STAU2: variants seen among roughly 807,000 people sequenced by gnomAD.
STAU2 encodes staufen double-stranded RNA binding protein 2, also known as double-stranded RNA-binding protein Staufen homolog 2.
STAU2 carries 20 observed loss-of-function variants against 65.9 expected under a neutral mutation model. The ratio of observed to expected loss-of-function variants is 0.30; its 90% CI spans 0.21 to 0.44. The LOEUF (loss-of-function observed/expected upper bound fraction) is 0.44, where lower values mean the gene tolerates loss of function less well. STAU2 is among the 20% of genes least tolerant of loss of function. STAU2 has a pLI of 1.00. For missense variants in STAU2, 558 were observed against 683.9 expected, an observed-to-expected ratio of 0.82 and a Z score of 2.05; for synonymous variants, 232 against 233.9, an observed-to-expected ratio of 0.99 and a Z score of 0.07.
chr8:73,538,930 C>T (rs1282380416), intron 13 of STAU2, among the ~76,000 whole-genome samples: 18 of 152,168 alleles, frequency 1.2e-4, no homozygotes, highest in Admixed American at 1.2e-3. Context: ...CTATCATTCA[C>T]TTCAATGAAA....
intron 6 of STAU2, among the ~76,000 whole-genome samples, chr8:73,645,875 C>G (rs183261712): frequency 6.6e-6 from 1 of 152,226 alleles, no homozygotes; most frequent in Non-Finnish European, 1.5e-5. Flanking sequence ...CTCATTATCA[C>G]GAGAACAGCA....
chr8:73,552,131 T>G lies in STAU2; in HGVS notation c.1411A>C (p.Asn471His), dbSNP rs1807376644. The G allele has an allele frequency of 1.2e-6, 2 of 1,613,870 alleles. No individual in the cohort carries two copies. The highest frequency in any genetic ancestry group is 1.3e-5 in the African/African-American group (1 of 74,938). Residue 471 changes from asparagine to histidine, a missense_variant, in exon 13 of 15, where the codon AAT becomes CAT. This residue lies in a region of STAU2 where 247 missense variants were observed against 270.1 expected (regional missense o/e 0.91). Transcript: ENST00000524300. ...GCTTCAGCTGTAGAAGATGTTCCAT[T>G]CATAAGGAGTTCCCTGGCAATTGTA... ...SATIARELLM[N>H]GTSSTAEAIG...
rs368938759 is a variant in STAU2, at chr8:73,538,416, ATAAACT to A, written c.1530+13590_1530+13595del. Among the ~76,000 whole-genome samples, 1,023 of 152,276 alleles carry A rather than the reference ATAAACT, an allele frequency of 6.7e-3. 9 individuals are homozygous for A. The highest frequency in any genetic ancestry group is 0.014 in the Middle Eastern group (4 of 294). The stretch of plus-strand genomic sequence containing the variant: ...GCCAAGAGCCTATTAAGAATAGATA[ATAAACT>A]TAAGTGTTTCTTTGCATGCCAGAAT... On this transcript the variant is annotated intron_variant, in intron 13 of 14. Coordinates refer to ENST00000524300, the MANE Select transcript of STAU2 (RefSeq NM_001164380.2).
At chr8:73,464,800 TG>T (rs1299296851) in intron 13 of STAU2, among the ~76,000 whole-genome samples, 3 of 152,190 alleles carry the variant, frequency 2.0e-5, no homozygotes, top group Non-Finnish European at 4.4e-5. Flanking sequence ...GAAAGGAAGT[TG>T]GGAGGTTAGA....
chr8:73,470,909 G>GTTTT (rs1313166835), intron 13 of STAU2, among the ~76,000 whole-genome samples: 2 of 152,074 alleles, frequency 1.3e-5, no homozygotes, highest in African/African-American at 4.8e-5. Context: ...ATAACACATA[G>GTTTT]GCATGTTTCC....
At chr8:73,554,733 G>A (rs543206037) in intron 12 of STAU2, among the ~76,000 whole-genome samples, 2 of 152,286 alleles carry the variant, frequency 1.3e-5, no homozygotes, top group South Asian at 4.1e-4. Context: ...ATCTTGCCAA[G>A]GCTAGAACAT....
rs1284929272 is a variant in STAU2, at chr8:73,720,764, G to A, written c.-17-11602C>T. On this transcript the variant is annotated intron_variant, in intron 3 of 14. Transcript: ENST00000524300. ...CCTGACCTCATGATCCACCCGCCTCGGCCTCCCAAAGTGCTGGGATTACAG... is the reference window on the plus strand; with the variant it reads ...CCTGACCTCATGATCCACCCGCCTCAGCCTCCCAAAGTGCTGGGATTACAG... Among the ~76,000 whole-genome samples the A allele has an allele frequency of 3.8e-5, 3 of 79,144 alleles. 1 individual carries two copies. Among genetic ancestry groups the A allele is most frequent in the African/African-American group, 1.2e-4 (2 of 16,906 alleles). The allele number at this position is 79,144 out of a possible 152,430, so 51.9% of individuals were successfully genotyped here.
At chr8:73,630,430 C>A (rs1347956742) in intron 6 of STAU2, among the ~76,000 whole-genome samples, 3 of 152,210 alleles carry the variant, frequency 2.0e-5, no homozygotes, top group Non-Finnish European at 2.9e-5. Context: ...TAGGAAGAGG[C>A]TGAAGTAATA....
At chr8:73,557,303 A>T (rs1198369345) in intron 12 of STAU2, among the ~76,000 whole-genome samples, 1 of 152,212 alleles carries the variant, frequency 6.6e-6, no homozygotes, top group Non-Finnish European at 1.5e-5. Context: ...CTAACAGACT[A>T]GTCATAGAAA....
At chr8:73,526,837 T>C (rs1320899153) in intron 13 of STAU2, among the ~76,000 whole-genome samples, 1 of 152,212 alleles carries the variant, frequency 6.6e-6, no homozygotes, top group Non-Finnish European at 1.5e-5. Flanking sequence ...CAATACACTT[T>C]TCAGATTTTT....
At chr8:73,651,280 G>A (rs1020089248) in intron 6 of STAU2, 6 of 664,256 alleles carry the variant, frequency 9.0e-6, no homozygotes, top group Non-Finnish European at 1.6e-5. Context: ...CGCCTGGCGG[G>A]CCCCACTGTG....
intron 13 of STAU2, among the ~76,000 whole-genome samples, chr8:73,422,996 T>TA (rs1278112161): frequency 1.3e-5 from 2 of 152,246 alleles, no homozygotes; most frequent in East Asian, 3.8e-4. Flanking sequence ...AATACTTCCA[T>TA]GGTGACATTG....
Position 73,424,710 on chromosome 8 carries a change from T to C in STAU2, c.1531-2008A>G, listed in dbSNP as rs1026587767. On this transcript the variant is annotated intron_variant, in intron 13 of 14. Transcript: ENST00000524300. ...AATGTGTAATATTCATAATACTTTT[T>C]TCTTTCTTCTCTCTTGCTTTTCTAT... Among the ~76,000 whole-genome samples, 7 of 152,012 alleles carry C rather than the reference T, an allele frequency of 4.6e-5. No homozygotes were observed. In the Middle Eastern group the frequency reaches 0.01, roughly 222 times the overall value.
intron 13 of STAU2, among the ~76,000 whole-genome samples, chr8:73,424,068 C>T (rs906902742): frequency 1.3e-5 from 2 of 150,110 alleles, no homozygotes; most frequent in South Asian, 2.1e-4. Flanking sequence ...CCCACCCCCA[C>T]CAGCCCCCTG....
intron 12 of STAU2, among the ~76,000 whole-genome samples, chr8:73,568,061 C>T (rs1418948782): frequency 3.3e-5 from 5 of 152,166 alleles, no homozygotes; most frequent in Admixed American, 2.6e-4. Context: ...ATCTGCACTG[C>T]CTTCCTGAAC....
intron 11 of STAU2, among the ~76,000 whole-genome samples, chr8:73,593,880 TACACACACACAC>T (rs3032945): frequency 2.0e-5 from 3 of 150,530 alleles, no homozygotes; most frequent in East Asian, 2.0e-4. Flanking sequence ...GACACACACA[TACACACACACAC>T]ACACACACAC....
At chr8:73,734,359 G>T (rs1040804094) in intron 3 of STAU2, among the ~76,000 whole-genome samples, 1 of 151,366 alleles carries the variant, frequency 6.6e-6, no homozygotes, top group Non-Finnish European at 1.5e-5. Flanking sequence ...GCAGAAAAGT[G>T]CTATTATCTT....
intron 12 of STAU2, among the ~76,000 whole-genome samples, chr8:73,571,763 T>C (rs924373082): frequency 7.2e-5 from 11 of 152,112 alleles, no homozygotes; most frequent in Non-Finnish European, 1.3e-4. Context: ...TAGAGGGAAA[T>C]TTATAGCACT....
intron 5 of STAU2, among the ~76,000 whole-genome samples, chr8:73,676,455 C>T (rs767193784): frequency 1.3e-5 from 2 of 152,146 alleles, no homozygotes; most frequent in Non-Finnish European, 2.9e-5. Context: ...TCTAATAATA[C>T]TGCTTCTAAA....
Sources: allele counts gnomAD v4.1 joint callset (sites outside exome capture counted in the v4.1 genomes callset), GRCh38; gene constraint gnomAD v4.1.1; regional missense constraint gnomAD v4.1.1; transcripts MANE v1.5; gene names NCBI Gene and HGNC (gene_info 2026-07-23, HGNC 2026-07-21).